Variants in GSDMC observed in about 807,000 individuals in gnomAD.
GSDMC encodes the protein gasdermin C, also known as gasdermin-C.
Under a neutral mutation model 58.0 loss-of-function variants are expected in GSDMC, and 59 were observed. The observed-to-expected ratio is 1.02, with a 90% CI of 0.82 to 1.26. The LOEUF is 1.26. GSDMC is among the 50% of genes most tolerant of loss of function. GSDMC has a pLI of 0.00. For synonymous variants in GSDMC, 241 were observed against 220.2 expected, an observed-to-expected ratio of 1.09 and a Z score of -0.83; for missense variants, 659 against 598.5, an observed-to-expected ratio of 1.10 and a Z score of -1.06.
At chr8:129,706,030 C>G in the GSDMC span, among the ~76,000 whole-genome samples, 1 of 152,010 alleles carries the variant, frequency 6.6e-6, no homozygotes, top group Non-Finnish European at 1.5e-5. Flanking sequence ...TAGTAATTAA[C>G]ATGAAGAAAT....
At chr8:129,734,859 C>T in the GSDMC span, among the ~76,000 whole-genome samples, 1 of 152,092 alleles carries the variant, frequency 6.6e-6, no homozygotes, top group Non-Finnish European at 1.5e-5. Context: ...TTAAAAGACA[C>T]AGACTGGCAA....
At chr8:129,755,478 C>A (rs563807736) in intron 6 of GSDMC, among the ~76,000 whole-genome samples, 5 of 152,080 alleles carry the variant, frequency 3.3e-5, no homozygotes, top group Admixed American at 2.0e-4. Flanking sequence ...AAAGGGAGTT[C>A]TTCAGTCTGA....
intron 1 of GSDMC, among the ~76,000 whole-genome samples, chr8:129,781,312 T>C (rs1023192149): frequency 5.3e-5 from 8 of 151,748 alleles, no homozygotes; most frequent in Non-Finnish European, 1.2e-4. Flanking sequence ...AAGATAAACA[T>C]GGAATAAAAA....
chr8:129,754,886 G>A (rs1416652930), intron 6 of GSDMC, among the ~76,000 whole-genome samples: 1 of 152,142 alleles, frequency 6.6e-6, no homozygotes, highest in African/African-American at 2.4e-5. Flanking sequence ...TAGTGAGCTT[G>A]AAGACAGCCT....
downstream of GSDMC, among the ~76,000 whole-genome samples, chr8:129,747,255 T>C (rs1229838113): frequency 2.5e-5 from 2 of 78,432 alleles, no homozygotes; most frequent in Non-Finnish European, 4.2e-5. Context: ...AGACTCTGTC[T>C]CAAAAAAAAA....
In GSDMC at chr8:129,751,855, C is replaced by T; in HGVS notation, c.916+7G>A. ...CCCACCCCCACCTCCAGCAAACTCA[C>T]ACTCACCTACTGGGAGGATGTGAAC... On this transcript the variant is annotated splice_region_variant and intron_variant, in intron 9 of 13. Transcript: ENST00000276708. 1 of 1,590,502 alleles carries T rather than the reference C, an allele frequency of 6.3e-7. No homozygotes were observed. Among genetic ancestry groups the T allele is most frequent in the Non-Finnish European group, 8.6e-7 (1 of 1,158,546 alleles).
the GSDMC span, among the ~76,000 whole-genome samples, chr8:129,715,685 C>T: frequency 6.6e-6 from 1 of 152,120 alleles, no homozygotes; most frequent in African/African-American, 2.4e-5. Flanking sequence ...TACAAAAAGA[C>T]ATCATCATTT....
intron 3 of GSDMC, among the ~76,000 whole-genome samples, chr8:129,770,856 A>T (rs1302156854): frequency 6.6e-6 from 1 of 152,008 alleles, no homozygotes; most frequent in East Asian, 1.9e-4. Flanking sequence ...TATATAAGAA[A>T]GCAAGATCCA....
intron 4 of GSDMC, among the ~76,000 whole-genome samples, chr8:129,764,909 C>T (rs1160312548): frequency 6.6e-6 from 1 of 152,170 alleles, no homozygotes; most frequent in Non-Finnish European, 1.5e-5. Context: ...ACTATTCCTG[C>T]TTTCCAGGGT....
chr8:129,714,635 T>C, the GSDMC span, among the ~76,000 whole-genome samples: 1 of 152,196 alleles, frequency 6.6e-6, no homozygotes, highest in Non-Finnish European at 1.5e-5. Flanking sequence ...TCGATTTAAA[T>C]TTAAAAACTT....
At chr8:129,770,629 G>T (rs1022243888) in intron 3 of GSDMC, among the ~76,000 whole-genome samples, 2 of 152,014 alleles carry the variant, frequency 1.3e-5, no homozygotes, top group Admixed American at 6.6e-5. Flanking sequence ...GGAAAAACCT[G>T]TATTAGATAT....
At chr8:129,725,354 G>A in the GSDMC span, among the ~76,000 whole-genome samples, 8 of 152,116 alleles carry the variant, frequency 5.3e-5, no homozygotes, top group African/African-American at 1.9e-4. Context: ...ACACACTCAT[G>A]CGTTCTTTTC....
the GSDMC span, among the ~76,000 whole-genome samples, chr8:129,727,256 T>C: frequency 6.6e-6 from 1 of 152,188 alleles, no homozygotes; most frequent in East Asian, 1.9e-4. Flanking sequence ...CAATTTTTTT[T>C]CAAGATGGTG....
chr8:129,775,961 T>G (rs2034209488), intron 3 of GSDMC, 141 bp downstream of exon 3: 1 of 640,358 alleles, frequency 1.6e-6, no homozygotes, highest in Non-Finnish European at 2.7e-6. Context: ...GTATGAATAC[T>G]CAAGAAGAGT....
the GSDMC span, among the ~76,000 whole-genome samples, chr8:129,732,267 T>C: frequency 1.3e-5 from 2 of 148,730 alleles, no homozygotes; most frequent in African/African-American, 5.0e-5. Context: ...CTGTGAGAAA[T>C]ATATTTCTGT....
intron 6 of GSDMC, among the ~76,000 whole-genome samples, chr8:129,754,620 C>A (rs1258260809): frequency 6.6e-6 from 1 of 152,048 alleles, no homozygotes; most frequent in African/African-American, 2.4e-5. Context: ...AAACAAGGCA[C>A]CAGGGACAAA....
At chr8:129,706,663 A>T in the GSDMC span, 1 of 152,232 alleles carries the variant, frequency 6.6e-6, no homozygotes, top group African/African-American at 2.4e-5. Context: ...AACATTCCTC[A>T]TCCTCAAGAT....
the GSDMC span, among the ~76,000 whole-genome samples, chr8:129,736,507 C>T: frequency 1.6e-4 from 25 of 152,146 alleles, no homozygotes; most frequent in Admixed American, 1.4e-3. Context: ...TAAACGTAAT[C>T]CATCACATAA....
At chr8:129,781,466 G>A (rs149959530) in intron 1 of GSDMC, among the ~76,000 whole-genome samples, 1,717 of 152,182 alleles carry the variant, frequency 0.011, 28 homozygotes, top group African/African-American at 0.04. Context: ...GACTTCAGGC[G>A]AGACGCGATG....
Sources: gnomAD v4.1 joint callset for allele counts (sites outside exome capture counted in the v4.1 genomes callset) on GRCh38, gnomAD v4.1.1 for gene constraint, MANE v1.5 for transcripts, NCBI Gene and HGNC (gene_info 2026-07-23, HGNC 2026-07-21) for gene names.